Variants in ST3GAL1 observed in about 807,000 individuals in gnomAD.
The protein encoded by ST3GAL1 is ST3 beta-galactoside alpha-2,3-sialyltransferase 1.
In ST3GAL1, 16 loss-of-function variants were observed where a neutral mutation model predicts 34.1. The observed-to-expected ratio is 0.47, with a 90% CI of 0.32 to 0.71. The LOEUF is 0.71. Among genes scored for constraint, ST3GAL1 ranks in the 30% least tolerant of loss-of-function variants. The pLI, the probability that ST3GAL1 is intolerant of heterozygous loss-of-function variation, is 0.04. For missense variants in ST3GAL1, 353 were observed against 447.4 expected (o/e 0.79, Z 1.90); for synonymous variants, 191 against 184.7 (o/e 1.03, Z -0.28).
At chr8:133,540,858 T>TATATATAGAGAGACATATATATAGAGAC (rs1818464435) in intron 2 of ST3GAL1, among the ~76,000 whole-genome samples, 6 of 114,382 alleles carry the variant, frequency 5.2e-5, no homozygotes, top group Non-Finnish European at 5.4e-5. Context: ...TATAGAGACA[T>TATATATAGAGAGACATATATATAGAGAC]ATATATAGAG....
rs987649278 is a variant in ST3GAL1 at position 133,556,359 on chromosome 8, G to A, written c.-581-10433C>T. 6.6e-6 allele frequency among the ~76,000 whole-genome samples: 1 copy of A among 152,174 alleles called. No homozygotes were observed. Among genetic ancestry groups the A allele is most frequent in the African/African-American group, 2.4e-5 (1 of 41,438 alleles). On this transcript the variant is annotated intron_variant, in intron 1 of 9. Coordinates refer to ENST00000522652, the MANE Select transcript of ST3GAL1 (RefSeq NM_173344.3). This position sits in a 1 kb window ranked among gnomAD's most constrained non-coding sequence, Gnocchi z 8.9. Reference sequence around the variant, plus strand: ...ACTCCAGAGCCTGTCTTCTCCCCCTGGCCTTGGCCTCCTGGACAGGAGACA... The same window carrying A: ...ACTCCAGAGCCTGTCTTCTCCCCCTAGCCTTGGCCTCCTGGACAGGAGACA...
At chr8:133,547,538 C>T (rs1015907174) in intron 1 of ST3GAL1, among the ~76,000 whole-genome samples, 3 of 152,168 alleles carry the variant, frequency 2.0e-5, no homozygotes, top group Non-Finnish European at 4.4e-5. Context: ...CATTCTGCTG[C>T]CACATTAGCA....
At chr8:133,546,568 A>G (rs1175286862) in intron 1 of ST3GAL1, among the ~76,000 whole-genome samples, 1 of 152,198 alleles carries the variant, frequency 6.6e-6, no homozygotes, top group Non-Finnish European at 1.5e-5. Context: ...CTCCCTAAAC[A>G]AAGCACTAAT....
At chr8:133,551,570 GA>G (rs1563739042) in intron 1 of ST3GAL1, among the ~76,000 whole-genome samples, 1 of 146,154 alleles carries the variant, frequency 6.8e-6, no homozygotes. Context: ...AAGAAAGAAA[GA>G]AAGAAAGAAA....
chr8:133,497,459 T>C (rs1235241615), intron 3 of ST3GAL1, among the ~76,000 whole-genome samples: 1 of 15,444 alleles, frequency 6.5e-5, no homozygotes, highest in Non-Finnish European at 1.1e-4. Context: ...TGTTGGAATT[T>C]TTTTTTTTTT....
At chr8:133,465,366 C>T (rs913858890) in intron 6 of ST3GAL1, among the ~76,000 whole-genome samples, 3 of 152,118 alleles carry the variant, frequency 2.0e-5, no homozygotes, top group Non-Finnish European at 4.4e-5. Context: ...ACAGGAGAGA[C>T]TATTCTAGAA....
At chr8:133,551,598 GAAAGA>G (rs1563739167) in intron 1 of ST3GAL1, among the ~76,000 whole-genome samples, 32 of 150,710 alleles carry the variant, frequency 2.1e-4, no homozygotes, top group African/African-American at 7.6e-4. Flanking sequence ...AAGAAAGAAA[GAAAGA>G]AAGAAAGAAA....
In ST3GAL1 at chr8:133,571,027, C is replaced by G. The variant is rs1406512465; in HGVS notation, c.-582+666G>C. On this transcript the variant is annotated intron_variant, in intron 1 of 9. Coordinates refer to ENST00000522652, the MANE Select transcript of ST3GAL1 (RefSeq NM_173344.3). The surrounding 1 kb of genome is among the most constrained non-coding windows in gnomAD (Gnocchi z 6.7). ...ACTGTCCGCCACGCCGCGTTCAGCT[C>G]TCTTGTCCCGGGTGTCAACTTCACC... is the stretch of plus-strand genomic sequence containing the variant. Among the ~76,000 whole-genome samples, 1 of 152,244 alleles carries G rather than the reference C, an allele frequency of 6.6e-6. No homozygotes were observed. The highest frequency in any genetic ancestry group is 1.5e-5 in the Non-Finnish European group (1 of 68,050).
chr8:133,496,989 C>T (rs1816968497), intron 3 of ST3GAL1, among the ~76,000 whole-genome samples: 1 of 152,210 alleles, frequency 6.6e-6, no homozygotes, highest in East Asian at 1.9e-4. Context: ...TCCAGCACAC[C>T]CAGCCCCATG....
intron 1 of ST3GAL1, among the ~76,000 whole-genome samples, chr8:133,555,090 G>A (rs963619156): frequency 2.6e-5 from 4 of 152,196 alleles, no homozygotes; most frequent in East Asian, 1.9e-4. Context: ...GGGATTTCCC[G>A]GCTGGTGTCT....
rs1234498061 is a variant in ST3GAL1 at position 133,571,643 on chromosome 8, C to G, written c.-582+50G>C. On this transcript the variant is annotated intron_variant, in intron 1 of 9. Coordinates refer to ENST00000522652, the MANE Select transcript of ST3GAL1 (RefSeq NM_173344.3). This position sits in a 1 kb window ranked among gnomAD's most constrained non-coding sequence, Gnocchi z 6.7. ...CTGCCCGAGCCCCAACTCAGGCGGACGCAGCCCCCGCGCACCCCGAGCAGG... is the reference window on the plus strand; with the variant it reads ...CTGCCCGAGCCCCAACTCAGGCGGAGGCAGCCCCCGCGCACCCCGAGCAGG... 1 of 152,750 alleles carries G rather than the reference C, an allele frequency of 6.5e-6. No individual in the cohort carries two copies. Among genetic ancestry groups the G allele is most frequent in the Admixed American group, 6.5e-5 (1 of 15,292 alleles). The allele number at this position is 152,750 out of a possible 1,614,324, so 9.5% of individuals were successfully genotyped here.
chr8:133,554,979 G>A (rs925814585), intron 1 of ST3GAL1, among the ~76,000 whole-genome samples: 2 of 151,956 alleles, frequency 1.3e-5, no homozygotes, highest in African/African-American at 2.4e-5. Context: ...TGCCAGCCAC[G>A]GCCTCCCAAA....
intron 3 of ST3GAL1, among the ~76,000 whole-genome samples, chr8:133,479,396 C>A (rs1186680055): frequency 6.6e-6 from 1 of 152,110 alleles, no homozygotes; most frequent in Non-Finnish European, 1.5e-5. Context: ...GCCAGAGAAG[C>A]CACAGTCAAG....
chr8:133,465,844 G>T, intron 6 of ST3GAL1, 50 bp downstream of exon 6: 1 of 1,571,190 alleles, frequency 6.4e-7, no homozygotes, highest in Non-Finnish European at 8.7e-7. Flanking sequence ...ACAGCTCCAA[G>T]GGGCCCCTGG....
intron 2 of ST3GAL1, among the ~76,000 whole-genome samples, chr8:133,527,419 G>A (rs1818011215): frequency 6.6e-6 from 1 of 152,180 alleles, no homozygotes; most frequent in South Asian, 2.1e-4. Context: ...GTCCCTGCAA[G>A]TCTGAATCCT....
At chr8:133,496,699 G>A (rs1816955875) in intron 3 of ST3GAL1, among the ~76,000 whole-genome samples, 1 of 152,190 alleles carries the variant, frequency 6.6e-6, no homozygotes, top group South Asian at 2.1e-4. Flanking sequence ...GGTTCCTAGA[G>A]CGCCTGGAGC....
chr8:133,569,774 C>G (rs6988039), intron 1 of ST3GAL1, among the ~76,000 whole-genome samples: 1 of 152,146 alleles, frequency 6.6e-6, no homozygotes, highest in African/African-American at 2.4e-5. Flanking sequence ...GCAGTTTCCA[C>G]AGCAGCCGGC....
intron 3 of ST3GAL1, among the ~76,000 whole-genome samples, chr8:133,486,142 C>T (rs574181983): frequency 9.2e-5 from 14 of 152,306 alleles, no homozygotes; most frequent in East Asian, 3.9e-4. Flanking sequence ...GGCCCTCGGC[C>T]GGTAGGTGTA....
chr8:133,493,582 C>T (rs1816848387), intron 3 of ST3GAL1, among the ~76,000 whole-genome samples: 1 of 152,222 alleles, frequency 6.6e-6, no homozygotes, highest in African/African-American at 2.4e-5. Context: ...CGTGGTGGCT[C>T]ATGCCTGTAA....
Sources: gnomAD v4.1 joint callset for allele counts (sites outside exome capture counted in the v4.1 genomes callset) on GRCh38, gnomAD v4.1.1 for gene constraint, Gnocchi (gnomAD v3.1) non-coding constraint, MANE v1.5 for transcripts, NCBI Gene and HGNC (gene_info 2026-07-23, HGNC 2026-07-21) for gene names.